The following GPD1L variants were observed in gnomAD, a reference collection of about 807,000 sequenced individuals.
The protein encoded by GPD1L is glycerol-3-phosphate dehydrogenase 1 like, also known as glycerol-3-phosphate dehydrogenase 1-like protein.
In GPD1L, 17 loss-of-function variants were observed where a neutral mutation model predicts 32.9. The ratio of observed to expected loss-of-function variants is 0.52; its 90% confidence interval spans 0.35 to 0.78. The LOEUF (loss-of-function observed/expected upper bound fraction) is 0.78. Among genes scored for constraint, GPD1L ranks in the 30% least tolerant of loss-of-function variants. The probability of loss-of-function intolerance (pLI) is 0.01; values close to 1 mark genes in which losing one functional copy is unlikely to be tolerated. For missense variants in GPD1L, 361 were observed against 447.8 expected (o/e 0.81, Z 1.75); for synonymous variants, 187 against 165.9 (o/e 1.13, Z -0.98).
intron 4 of GPD1L, among the ~76,000 whole-genome samples, chr3:32,140,982 G>A (rs774479327): frequency 1.4e-4 from 22 of 152,140 alleles, no homozygotes; most frequent in Non-Finnish European, 2.9e-4. Context: ...CTTTTGAAAG[G>A]GGCTTTGAGA....
At chr3:32,150,224 T>C (rs1036265244) in intron 5 of GPD1L, among the ~76,000 whole-genome samples, 13 of 152,340 alleles carry the variant, frequency 8.5e-5, no homozygotes, top group Middle Eastern at 6.8e-3. Flanking sequence ...CTTTTGTGTC[T>C]GGCTTCTTTG....
At chr3:32,133,152 C>A (rs532708295) in intron 2 of GPD1L, among the ~76,000 whole-genome samples, 2 of 152,262 alleles carry the variant, frequency 1.3e-5, no homozygotes, top group African/African-American at 4.8e-5. Context: ...GCATTAGAGC[C>A]CGGCCACGAT....
intron 1 of GPD1L, among the ~76,000 whole-genome samples, chr3:32,123,735 A>C (rs1208122802): frequency 6.6e-6 from 1 of 151,978 alleles, no homozygotes; most frequent in Non-Finnish European, 1.5e-5. Flanking sequence ...GATATGCAGG[A>C]GTTGAAAAAT....
At chr3:32,113,929 T>C (rs1425423378) in intron 1 of GPD1L, among the ~76,000 whole-genome samples, 2 of 152,128 alleles carry the variant, frequency 1.3e-5, no homozygotes, top group African/African-American at 4.8e-5. Context: ...TCACAATGCA[T>C]TGCAGCCTCA....
chr3:32,133,625 C>T lies in GPD1L; in HGVS notation c.226-4962C>T, dbSNP rs74828293. Among the ~76,000 whole-genome samples, 3,641 of 152,198 alleles carry T rather than the reference C, an allele frequency of 0.024. 296 individuals are homozygous for T. The East Asian group carries it at 0.26, about 11-fold the overall frequency. On this transcript the variant is annotated intron_variant, in intron 2 of 7. Coordinates refer to ENST00000282541, the MANE Select transcript of GPD1L (RefSeq NM_015141.4). ...GATTTTTTCTTCAGATTTGATCCAG[C>T]GAGCCTATTTATAGTCATGAATGAA...
rs527960972 is a variant in GPD1L, at chr3:32,166,858, T to C, written c.*948T>C. On this transcript the variant is annotated 3_prime_UTR_variant, in exon 8 of 8. Transcript: ENST00000282541. ...GATTTGACCTCCGACTCATTGGTTGTGCAAATGCCATGTGCAGCCTTTCCT... is the reference window on the plus strand; with the variant it reads ...GATTTGACCTCCGACTCATTGGTTGCGCAAATGCCATGTGCAGCCTTTCCT... The C allele has an allele frequency of 3.3e-5, 5 of 152,420 alleles. No homozygotes were observed. The highest frequency in any genetic ancestry group is 1.2e-4 in the African/African-American group (5 of 41,558). 9.4% of individuals were successfully genotyped at this position (152,420 alleles called of 1,614,324 possible).
At chr3:32,130,965 A>C (rs1700579663) in intron 2 of GPD1L, among the ~76,000 whole-genome samples, 1 of 151,990 alleles carries the variant, frequency 6.6e-6, no homozygotes, top group Non-Finnish European at 1.5e-5. Context: ...CAGTGAGACG[A>C]GATTGCCCCG....
intron 3 of GPD1L, among the ~76,000 whole-genome samples, chr3:32,139,751 G>T (rs546866613): frequency 6.6e-6 from 1 of 152,340 alleles, no homozygotes; most frequent in East Asian, 1.9e-4. Flanking sequence ...CGAACCAGAA[G>T]TTTGATGCAG....
At chr3:32,162,964 G>T (rs965747214) in intron 7 of GPD1L, among the ~76,000 whole-genome samples, 2 of 151,800 alleles carry the variant, frequency 1.3e-5, no homozygotes, top group African/African-American at 4.8e-5. Flanking sequence ...TTACCACGTT[G>T]CCCAGGCTGG....
At position 32,106,842 on chromosome 3, in the gene GPD1L, C is replaced by T. The variant is rs1700171952; in HGVS notation, c.47+84C>T. 6.9e-6 allele frequency: 9 copies of T among 1,309,310 alleles called. No individual in the cohort carries two copies. Among genetic ancestry groups the T allele is most frequent in the African/African-American group, 3.0e-5 (2 of 65,744 alleles). The allele number at this position is 1,309,310 out of a possible 1,614,324, so 81.1% of individuals were successfully genotyped here. On this transcript the variant is annotated intron_variant, in intron 1 of 7. Coordinates refer to ENST00000282541, the MANE Select transcript of GPD1L (RefSeq NM_015141.4). The surrounding 1 kb of genome is among the most constrained non-coding windows in gnomAD (Gnocchi z 4.0). ...GGTGAGGGCTGCGCGCCCCATGCTG[C>T]GGCGTGGGCACCGGGCACTGCGCGC...
intron 2 of GPD1L, among the ~76,000 whole-genome samples, chr3:32,132,751 G>C (rs1700604456): frequency 6.6e-6 from 1 of 152,184 alleles, no homozygotes; most frequent in South Asian, 2.1e-4. Context: ...TGGGGATGCT[G>C]TTGGTTCAGG....
At position 32,106,938 on chromosome 3, in the gene GPD1L, T is replaced by C. The variant is rs1402795713; in HGVS notation, c.47+180T>C. 8 of 468,838 alleles carry C rather than the reference T, an allele frequency of 1.7e-5. No individual in the cohort carries two copies. The highest frequency in any genetic ancestry group is 2.7e-5 in the Non-Finnish European group (8 of 292,028). The allele number at this position is 468,838 out of a possible 1,614,324, so 29.0% of individuals were successfully genotyped here. A position where few individuals can be genotyped will look rare whatever the true frequency, so the allele number is the denominator to read the frequency against. ...GCCCGAGGAGGCCGCACCGGGGCACTCGCTCGGGAGGCGCTGGGCTCGCGT... is the reference window on the plus strand; with the variant it reads ...GCCCGAGGAGGCCGCACCGGGGCACCCGCTCGGGAGGCGCTGGGCTCGCGT... On this transcript the variant is annotated intron_variant, in intron 1 of 7. Coordinates refer to ENST00000282541, the MANE Select transcript of GPD1L (RefSeq NM_015141.4). The surrounding 1 kb of genome is among the most constrained non-coding windows in gnomAD (Gnocchi z 4.0).
At chr3:32,128,300 GCTT>G in intron 2 of GPD1L, 47 bp downstream of exon 2, 1 of 1,489,268 alleles carries the variant, frequency 6.7e-7, no homozygotes, top group Non-Finnish European at 9.4e-7. Context: ...TGCAAGTTGT[GCTT>G]GGCTGAGCAG....
intron 1 of GPD1L, among the ~76,000 whole-genome samples, chr3:32,125,812 T>C: frequency 6.6e-6 from 1 of 152,172 alleles, no homozygotes; most frequent in Non-Finnish European, 1.5e-5. Flanking sequence ...TAGTAGGTGC[T>C]CAGTAAATAT....
chr3:32,122,229 A>G (rs188471356), intron 1 of GPD1L, among the ~76,000 whole-genome samples: 5 of 152,162 alleles, frequency 3.3e-5, no homozygotes, highest in Admixed American at 1.3e-4. Flanking sequence ...AATATTTTCA[A>G]TAAAAGACTC....
chr3:32,155,081 C>G (rs897426754), intron 5 of GPD1L, among the ~76,000 whole-genome samples: 11 of 152,284 alleles, frequency 7.2e-5, no homozygotes, highest in African/African-American at 2.4e-4. Context: ...CAGGGAGGCA[C>G]TCTCCTTTGA....
chr3:32,157,233 A>G lies in GPD1L; in HGVS notation c.619-1643A>G, dbSNP rs539628229. ...CTTGTGGCTCCTGCCACTTGTCAGC[A>G]CACTCTCTCCCCTCTGCCTTTTTTT... On this transcript the variant is annotated intron_variant, in intron 5 of 7. Transcript: ENST00000282541. Among the ~76,000 whole-genome samples, 41 of 148,712 alleles carry G rather than the reference A, an allele frequency of 2.8e-4. No individual in the cohort carries two copies. In the East Asian group the frequency reaches 4.7e-3, roughly 17 times the overall value.
At chr3:32,162,385 C>CAAAGGCCGTGTCACATTCTGAGA (rs1559584283) in intron 7 of GPD1L, among the ~76,000 whole-genome samples, 2 of 121,126 alleles carry the variant, frequency 1.7e-5, no homozygotes, top group African/African-American at 3.6e-5. Flanking sequence ...ATTACCTTTT[C>CAAAGGCCGTGTCACATTCTGAGA]TTTTTTTTTT....
At chr3:32,142,650 T>C (rs1700761495) in intron 4 of GPD1L, among the ~76,000 whole-genome samples, 1 of 152,210 alleles carries the variant, frequency 6.6e-6, no homozygotes, top group South Asian at 2.1e-4. Flanking sequence ...TATTTGCCAA[T>C]AATCCTTTCC....
Sources: gnomAD v4.1 joint callset for allele counts (sites outside exome capture counted in the v4.1 genomes callset) on GRCh38, gnomAD v4.1.1 for gene constraint, Gnocchi (gnomAD v3.1) non-coding constraint, MANE v1.5 for transcripts, NCBI Gene and HGNC (gene_info 2026-07-23, HGNC 2026-07-21) for gene names.